UVRAG: variants seen among roughly 807,000 people sequenced by gnomAD.
UVRAG encodes UV radiation resistance-associated gene protein.
UVRAG carries 19 observed loss-of-function variants against 78.0 expected under a neutral mutation model. The observed-to-expected ratio is 0.24, with a 90% CI of 0.17 to 0.36. The LOEUF (loss-of-function observed/expected upper bound fraction) is 0.36. UVRAG is among the 10% of genes least tolerant of loss of function. The probability of loss-of-function intolerance (pLI) is 1.00; values close to 1 mark genes in which losing one functional copy is unlikely to be tolerated. For missense variants in UVRAG, 740 were observed against 853.8 expected (o/e 0.87, Z 1.66); for synonymous variants, 323 against 324.6 (o/e 1.00, Z 0.05).
chr11:76,137,582 CT>C, intron 14 of UVRAG: 1 of 400,134 alleles, frequency 2.5e-6, no homozygotes, highest in South Asian at 1.9e-5. Context: ...CCAAAAATAA[CT>C]AATTTCCTTA....
chr11:76,068,769 G>T (rs1318811633), intron 13 of UVRAG, among the ~76,000 whole-genome samples: 1 of 152,100 alleles, frequency 6.6e-6, no homozygotes, highest in East Asian at 1.9e-4. Context: ...AATTGTTATG[G>T]CTCCTAAGCG....
In UVRAG at chr11:76,062,275, G is replaced by T. The variant is rs560767878; in HGVS notation, c.1227-3435G>T. 6.6e-5 allele frequency among the ~76,000 whole-genome samples: 10 copies of T among 152,252 alleles called. No homozygotes were observed. The South Asian group carries it at 1.7e-3, about 25-fold the overall frequency. ...TATTTTAGATCTTTTCATCAAATAA[G>T]TTAACTTAGGTCCCAAGGATTAGAA... On this transcript the variant is annotated intron_variant, in intron 12 of 14. Transcript: ENST00000356136.
chr11:75,850,089 CAG>C (rs1946122088), intron 1 of UVRAG, among the ~76,000 whole-genome samples: 2 of 149,770 alleles, frequency 1.3e-5, no homozygotes, highest in South Asian at 4.2e-4. Context: ...AGCAGCCAAT[CAG>C]AGGCTGAAGT....
intron 13 of UVRAG, among the ~76,000 whole-genome samples, chr11:76,072,853 G>A (rs1319392132): frequency 6.6e-6 from 1 of 152,164 alleles, no homozygotes; most frequent in Non-Finnish European, 1.5e-5. Context: ...TTCTTCTAGA[G>A]CAGCAGTGTA....
chr11:76,089,191 AG>A (rs1483066445), intron 13 of UVRAG, among the ~76,000 whole-genome samples: 1 of 152,162 alleles, frequency 6.6e-6, no homozygotes, highest in African/African-American at 2.4e-5. Flanking sequence ...AAGATAATGC[AG>A]GGCTTTGAGA....
intron 7 of UVRAG, among the ~76,000 whole-genome samples, chr11:75,970,002 G>A (rs978384823): frequency 1.3e-5 from 2 of 152,148 alleles, no homozygotes; most frequent in African/African-American, 4.8e-5. Flanking sequence ...CCTTAGGAAG[G>A]AGATAAAAAT....
At chr11:76,117,313 G>A (rs1050221563) in intron 14 of UVRAG, among the ~76,000 whole-genome samples, 2 of 152,178 alleles carry the variant, frequency 1.3e-5, no homozygotes, top group Admixed American at 1.3e-4. Flanking sequence ...ATCTTGCTCA[G>A]TACAGATAGC....
At chr11:75,898,115 C>T (rs537009465) in intron 5 of UVRAG, among the ~76,000 whole-genome samples, 4 of 152,122 alleles carry the variant, frequency 2.6e-5, no homozygotes, top group East Asian at 1.9e-4. Context: ...GTGATCCACC[C>T]GCCTCGGCCT....
At chr11:75,903,053 C>T (rs148006951) in intron 5 of UVRAG, among the ~76,000 whole-genome samples, 55 of 152,156 alleles carry the variant, frequency 3.6e-4, no homozygotes, top group South Asian at 1.0e-3. Flanking sequence ...GTTCTGTCTC[C>T]GCTTTTTATC....
At chr11:76,072,917 C>T (rs543078954) in intron 13 of UVRAG, among the ~76,000 whole-genome samples, 3 of 152,128 alleles carry the variant, frequency 2.0e-5, no homozygotes, top group African/African-American at 4.8e-5. Context: ...TCTGGGAGGG[C>T]GGAATTATTT....
intron 6 of UVRAG, chr11:75,942,156 T>C (rs1948496830): frequency 6.5e-6 from 1 of 152,692 alleles, no homozygotes; most frequent in Non-Finnish European, 1.5e-5. Context: ...TATTTATTCC[T>C]GGTAAACTTC....
chr11:76,027,994 A>G (rs1353564294), intron 12 of UVRAG, among the ~76,000 whole-genome samples: 2 of 152,114 alleles, frequency 1.3e-5, no homozygotes, highest in Admixed American at 6.6e-5. Context: ...TAGAGACTGC[A>G]TTTTTTACAA....
At chr11:76,105,931 C>T (rs941988846) in intron 13 of UVRAG, among the ~76,000 whole-genome samples, 2 of 152,076 alleles carry the variant, frequency 1.3e-5, no homozygotes, top group African/African-American at 2.4e-5. Flanking sequence ...GAAAGTAGTT[C>T]GCATTTTAAA....
At position 75,884,942 on chromosome 11, in the gene UVRAG, G is replaced by A. The variant is rs763323766; in HGVS notation, c.433-3887G>A. On this transcript the variant is annotated intron_variant, in intron 4 of 14. Coordinates refer to ENST00000356136, the MANE Select transcript of UVRAG (RefSeq NM_003369.4). ...TAAAAATCCTGGGATTTTGATAGAT[G>A]TTGAATCTAAGAAAATTTGGGGAGA... Among the ~76,000 whole-genome samples the A allele has an allele frequency of 3.4e-4, 52 of 151,972 alleles. 1 individual carries two copies. The highest frequency in any genetic ancestry group is 2.4e-4 in the Non-Finnish European group (16 of 67,910).
intron 8 of UVRAG, among the ~76,000 whole-genome samples, chr11:75,986,257 GT>G (rs1183732476): frequency 6.6e-6 from 1 of 152,000 alleles, no homozygotes; most frequent in Non-Finnish European, 1.5e-5. Flanking sequence ...TAGTGTATGG[GT>G]CTTTCCCATG....
chr11:76,079,054 G>A (rs1021929989), intron 13 of UVRAG, among the ~76,000 whole-genome samples: 1 of 152,166 alleles, frequency 6.6e-6, no homozygotes, highest in African/African-American at 2.4e-5. Context: ...AGTATTATGT[G>A]CCCTGAGCCC....
At chr11:75,868,456 G>A (rs1165433024) in intron 3 of UVRAG, among the ~76,000 whole-genome samples, 1 of 152,184 alleles carries the variant, frequency 6.6e-6, no homozygotes, top group Non-Finnish European at 1.5e-5. Context: ...GGGCTAAGGA[G>A]CATGAGAATG....
intron 13 of UVRAG, among the ~76,000 whole-genome samples, chr11:76,114,195 T>C (rs1386209406): frequency 2.6e-5 from 4 of 152,204 alleles, no homozygotes; most frequent in Non-Finnish European, 5.9e-5. Context: ...TGTTGGGATA[T>C]CAGCCATTTT....
At chr11:76,037,764 A>T (rs1031709316) in intron 12 of UVRAG, among the ~76,000 whole-genome samples, 4 of 152,062 alleles carry the variant, frequency 2.6e-5, no homozygotes, top group Admixed American at 2.6e-4. Context: ...AGATAATGAG[A>T]GTTTGAATCC....
Sources: gnomAD v4.1 joint callset for allele counts (sites outside exome capture counted in the v4.1 genomes callset) on GRCh38, gnomAD v4.1.1 for gene constraint, MANE v1.5 for transcripts, NCBI Gene and HGNC (gene_info 2026-07-23, HGNC 2026-07-21) for gene names.